Variants in WWOX observed in about 807,000 individuals in gnomAD.
WWOX encodes WW domain containing oxidoreductase, also known as WW domain-containing oxidoreductase.
WWOX carries 69 observed loss-of-function variants against 46.2 expected under a neutral mutation model. The ratio of observed to expected loss-of-function variants is 1.49; its 90% CI spans 1.23 to 1.82. WWOX has a LOEUF of 1.82. WWOX is among the 40% of genes most tolerant of loss of function. The probability of loss-of-function intolerance (pLI) is 0.00; values close to 1 mark genes in which losing one functional copy is unlikely to be tolerated. For missense variants in WWOX, 919 were observed against 542.6 expected (o/e 1.69, Z -6.89); for synonymous variants, 359 against 202.6 (o/e 1.77, Z -6.56).
chr16:78,738,301 G>A (rs2049136055), intron 8 of WWOX, among the ~76,000 whole-genome samples: 1 of 152,100 alleles, frequency 6.6e-6, no homozygotes, highest in Admixed American at 6.5e-5. Context: ...GTGTCTGGGT[G>A]AAACAGAGCA....
chr16:78,300,881 A>G (rs547625863), intron 5 of WWOX, among the ~76,000 whole-genome samples: 55 of 152,186 alleles, frequency 3.6e-4, no homozygotes, highest in African/African-American at 1.2e-3. Context: ...TAGACTCAAC[A>G]GTTGCTAATG....
At chr16:79,164,066 C>T (rs1016051872) in intron 8 of WWOX, among the ~76,000 whole-genome samples, 4 of 152,186 alleles carry the variant, frequency 2.6e-5, no homozygotes, top group African/African-American at 9.7e-5. Context: ...ATCGCGTTCA[C>T]CCATTCAGTT....
intron 4 of WWOX, among the ~76,000 whole-genome samples, chr16:78,143,752 GTTT>G (rs200125720): frequency 2.5e-5 from 3 of 120,210 alleles, no homozygotes; most frequent in African/African-American, 6.0e-5. Context: ...GAATTGGTAT[GTTT>G]TTTTTTTTTT....
intron 8 of WWOX, among the ~76,000 whole-genome samples, chr16:78,822,494 C>A (rs775460587): frequency 6.6e-6 from 1 of 151,778 alleles, no homozygotes; most frequent in Non-Finnish European, 1.5e-5. Context: ...GACTCTGTCT[C>A]AAAGAAAAAC....
intron 8 of WWOX, among the ~76,000 whole-genome samples, chr16:78,878,080 A>G (rs567839051): frequency 6.6e-6 from 1 of 152,302 alleles, no homozygotes; most frequent in African/African-American, 2.4e-5. Flanking sequence ...AGTTTTTAGC[A>G]TAACTAGTAC....
intron 8 of WWOX, among the ~76,000 whole-genome samples, chr16:78,862,802 G>A (rs767426089): frequency 2.6e-5 from 4 of 152,080 alleles, no homozygotes; most frequent in Non-Finnish European, 5.9e-5. Context: ...ACACTGGGAA[G>A]GGCAGTCTGC....
intron 8 of WWOX, among the ~76,000 whole-genome samples, chr16:78,932,018 G>A (rs1177105460): frequency 1.3e-5 from 2 of 152,208 alleles, no homozygotes; most frequent in South Asian, 2.1e-4. Flanking sequence ...CTCCACATTG[G>A]CCTTCTGCCG....
chr16:78,604,120 G>T (rs1199873803), intron 8 of WWOX, among the ~76,000 whole-genome samples: 1 of 152,054 alleles, frequency 6.6e-6, no homozygotes, highest in Non-Finnish European at 1.5e-5. Context: ...TTCTAGCCTG[G>T]GTGACCGAGA....
At chr16:78,869,036 A>C (rs16948653) in intron 8 of WWOX, among the ~76,000 whole-genome samples, 17,335 of 152,208 alleles carry the variant, frequency 0.11, 1,181 homozygotes, top group South Asian at 0.21. Context: ...AAGAAAATAA[A>C]AATCACCTGT....
intron 8 of WWOX, among the ~76,000 whole-genome samples, chr16:78,716,944 C>T (rs1027146681): frequency 6.6e-6 from 1 of 152,104 alleles, no homozygotes; most frequent in African/African-American, 2.4e-5. Context: ...GCCCCCTTTC[C>T]CAAGATCAGA....
intron 8 of WWOX, among the ~76,000 whole-genome samples, chr16:79,084,015 C>T (rs972200202): frequency 1.3e-5 from 2 of 152,096 alleles, no homozygotes; most frequent in African/African-American, 4.8e-5. Flanking sequence ...TTTGGTTAAC[C>T]ACTCGCATCA....
rs1272968890 is a variant in WWOX, at chr16:78,789,630, GGTCCCTT to G, written c.1056+356881_1056+356887del. On this transcript the variant is annotated intron_variant, in intron 8 of 8. Transcript: ENST00000566780. ...TTTCAAGATTGTTTTGGGTATTCTG[GGTCCCTT>G]GTATTTCCATTTGAATTTTAAGATC... Among the ~76,000 whole-genome samples, 4 of 151,992 alleles carry G rather than the reference GGTCCCTT, an allele frequency of 2.6e-5. No individual in the cohort carries two copies. The East Asian group carries it at 7.7e-4, about 29-fold the overall frequency.
chr16:78,401,573 C>T (rs561045042), intron 6 of WWOX, among the ~76,000 whole-genome samples: 73 of 152,066 alleles, frequency 4.8e-4, no homozygotes, highest in Middle Eastern at 3.4e-3. Flanking sequence ...GACCTTAAGT[C>T]TGCTTTAGGG....
chr16:78,177,452 C>A (rs982961831), intron 5 of WWOX, among the ~76,000 whole-genome samples: 1 of 152,128 alleles, frequency 6.6e-6, no homozygotes, highest in African/African-American at 2.4e-5. Context: ...GATGGTCTCC[C>A]CACGTGCTTT....
intron 6 of WWOX, among the ~76,000 whole-genome samples, chr16:78,396,956 G>C (rs778016156): frequency 1.2e-4 from 18 of 152,204 alleles, no homozygotes; most frequent in African/African-American, 1.9e-4. Flanking sequence ...CGGTGGCCCA[G>C]AGACCCTTTA....
At chr16:79,034,497 C>A (rs1435101117) in intron 8 of WWOX, among the ~76,000 whole-genome samples, 1 of 152,206 alleles carries the variant, frequency 6.6e-6, no homozygotes, top group East Asian at 1.9e-4. Context: ...TTAAGACATG[C>A]TACTGTCTTT....
chr16:78,866,760 A>G (rs961903356), intron 8 of WWOX, among the ~76,000 whole-genome samples: 1 of 152,214 alleles, frequency 6.6e-6, no homozygotes, highest in Non-Finnish European at 1.5e-5. Flanking sequence ...GCCACGGGCT[A>G]TCCAGGGAAT....
chr16:78,638,500 G>C (rs2046629305), intron 8 of WWOX, among the ~76,000 whole-genome samples: 1 of 152,026 alleles, frequency 6.6e-6, no homozygotes, highest in Non-Finnish European at 1.5e-5. Flanking sequence ...GCTCTGATAA[G>C]ATCTGTCTGC....
At chr16:78,637,331 A>G (rs1212907145) in intron 8 of WWOX, among the ~76,000 whole-genome samples, 8 of 152,052 alleles carry the variant, frequency 5.3e-5, no homozygotes, top group African/African-American at 1.7e-4. Flanking sequence ...AATCCCAGCT[A>G]CTTGGAGGCT....
Sources: gnomAD v4.1 joint callset for allele counts (sites outside exome capture counted in the v4.1 genomes callset) on GRCh38, gnomAD v4.1.1 for gene constraint, MANE v1.5 for transcripts, NCBI Gene and HGNC (gene_info 2026-07-23, HGNC 2026-07-21) for gene names.